Variants in P4HB observed in about 807,000 individuals in gnomAD.
The protein encoded by P4HB is protein disulfide-isomerase.
P4HB carries 20 observed loss-of-function variants against 52.6 expected under a neutral mutation model. The ratio of observed to expected loss-of-function variants is 0.38; its 90% CI spans 0.27 to 0.55. The LOEUF is 0.55. P4HB is among the 20% of genes least tolerant of loss of function. The pLI is 0.74. For missense variants in P4HB, 601 were observed against 669.2 expected (o/e 0.90, Z 1.12); for synonymous variants, 296 against 277.9 (o/e 1.07, Z -0.65).
At chr17:81,850,936 C>T (rs1454826185) in intron 4 of P4HB, among the ~76,000 whole-genome samples, 1 of 151,552 alleles carries the variant, frequency 6.6e-6, no homozygotes, top group African/African-American at 2.4e-5. Flanking sequence ...TCCCCTTGAA[C>T]CTTTTTTTTT....
chr17:81,849,529 A>G (rs1336343364), intron 4 of P4HB, among the ~76,000 whole-genome samples: 2 of 152,106 alleles, frequency 1.3e-5, no homozygotes, highest in Non-Finnish European at 2.9e-5. Context: ...AGAGAGAAAA[A>G]AACGATTTTT....
chr17:81,857,712 G>A (rs1378533550), intron 2 of P4HB, among the ~76,000 whole-genome samples: 1 of 152,156 alleles, frequency 6.6e-6, no homozygotes, highest in African/African-American at 2.4e-5. Context: ...ACACTTTTAT[G>A]CCACCAAAGG....
In P4HB at chr17:81,843,901, T is replaced by C; in HGVS notation, c.*111A>G. On this transcript the variant is annotated 3_prime_UTR_variant, in exon 11 of 11. Coordinates refer to ENST00000331483, the MANE Select transcript of P4HB (RefSeq NM_000918.4). ...TGTCACTTCAGAGAGGTTCCCTGGGTTTCCGGCGACGCCCTCCTTCAAGCG... is the reference window on the plus strand; with the variant it reads ...TGTCACTTCAGAGAGGTTCCCTGGGCTTCCGGCGACGCCCTCCTTCAAGCG... The C allele has an allele frequency of 3.8e-6, 3 of 796,070 alleles. No homozygotes were observed. The highest frequency in any genetic ancestry group is 1.4e-5 in the South Asian group (1 of 72,578). The allele number at this position is 796,070 out of a possible 1,614,324, so 49.3% of individuals were successfully genotyped here. A position where few individuals can be genotyped will look rare whatever the true frequency, so the allele number is the denominator to read the frequency against.
rs2038751777 is a variant in P4HB, at chr17:81,847,290, A to G, written c.682T>C (p.Phe228Leu). The change falls in exon 5 of 11, where the codon TTT becomes CTT. Residue 228 changes from phenylalanine to leucine, a missense_variant. Coordinates refer to ENST00000331483, the MANE Select transcript of P4HB (RefSeq NM_000918.4). ...AGGGGCAGCTGGTTGTGTTTGATAA[A>G]GTCCAGCAGGTTCTCCTTGGTGACC... ...GEVTKENLLD[F>L]IKHNQLPLVI... 2 of 1,614,154 alleles carry G rather than the reference A, an allele frequency of 1.2e-6. No individual in the cohort carries two copies. The highest frequency in any genetic ancestry group is 2.2e-5 in the South Asian group (2 of 91,084).
intron 4 of P4HB, 115 bp from the exon 5 acceptor site, chr17:81,847,462 G>C: frequency 1.2e-6 from 1 of 826,510 alleles, no homozygotes; most frequent in Middle Eastern, 2.6e-4. Context: ...CCTCCCGTGG[G>C]GTTTCGAGCC....
chr17:81,859,500 A>G, intron 1 of P4HB, 113 bp from the exon 2 acceptor site: 1 of 905,406 alleles, frequency 1.1e-6, no homozygotes, highest in Non-Finnish European at 1.7e-6. Flanking sequence ...AACCTTATCT[A>G]CTCACCAAGA....
In P4HB at chr17:81,846,003, G is replaced by A. The variant is rs571302330; in HGVS notation, c.1057-12C>T. 50 of 1,601,082 alleles carry A rather than the reference G, an allele frequency of 3.1e-5. No individual in the cohort carries two copies. Among genetic ancestry groups the A allele is most frequent in the Non-Finnish European group, 3.8e-5 (45 of 1,172,394 alleles). On this transcript the variant is annotated splice_polypyrimidine_tract_variant and intron_variant, in intron 7 of 10. Transcript: ENST00000331483. This position sits in a 1 kb window ranked among gnomAD's most constrained non-coding sequence, Gnocchi z 5.7. The stretch of plus-strand genomic sequence containing the variant: ...CTCATCAGGTGGGGCTGGAGGGCAG[G>A]CAGGGCACGGTGAGGGGCGGCGATG...
Position 81,847,041 on chromosome 17 carries a change from T to A in P4HB, c.761A>T (p.Lys254Met). 1 of 1,614,084 alleles carries A rather than the reference T, an allele frequency of 6.2e-7. No individual in the cohort carries two copies. The highest frequency in any genetic ancestry group is 8.5e-7 in the Non-Finnish European group (1 of 1,180,002). The change falls in exon 6 of 11, where the codon AAG (lysine) becomes ATG (methionine). Residue 254 changes from lysine to methionine, a missense_variant. Physicochemically the swap from Lys to Met is moderately conservative, Grantham distance 95. Coordinates refer to ENST00000331483, the MANE Select transcript of P4HB (RefSeq NM_000918.4). ...TAPKIFGGEI[K>M]THILLFLPKS... is the part of the protein sequence containing the mutation. ...GGGCAAGAACAGCAGGATGTGAGTCTTGATTTCACCTCCAAAAATCTTCGG... is the reference window on the plus strand; with the variant it reads ...GGGCAAGAACAGCAGGATGTGAGTCATGATTTCACCTCCAAAAATCTTCGG...
intron 4 of P4HB, among the ~76,000 whole-genome samples, chr17:81,849,353 G>A (rs2038791409): frequency 6.6e-6 from 1 of 151,768 alleles, no homozygotes; most frequent in African/African-American, 2.4e-5. Context: ...AAAATTAGCT[G>A]GGCGTGGTGG....
rs2038740217 is a variant in P4HB at position 81,846,645 on chromosome 17, AG to A, written c.856-17del. The A allele has an allele frequency of 6.2e-7, 1 of 1,610,780 alleles. No individual in the cohort carries two copies. The highest frequency in any genetic ancestry group is 1.3e-5 in the African/African-American group (1 of 74,844). ...TGAACAGGATCTGGGGGAGAAAAGG[AG>A]GTTGCACAGGTGCGGGAGACGGCTG... On this transcript the variant is annotated splice_polypyrimidine_tract_variant and intron_variant, in intron 6 of 10. Coordinates refer to ENST00000331483, the MANE Select transcript of P4HB (RefSeq NM_000918.4). This position sits in a 1 kb window ranked among gnomAD's most constrained non-coding sequence, Gnocchi z 5.7.
chr17:81,860,237 C>G (rs2038977837), intron 1 of P4HB, 90 bp downstream of exon 1: 2 of 1,139,198 alleles, frequency 1.8e-6, no homozygotes, highest in South Asian at 2.8e-5. Flanking sequence ...CCGGGGGTCC[C>G]GACCCCGGGG....
chr17:81,859,233 G>A lies in P4HB; in HGVS notation c.300C>T (p.Pro100=), dbSNP rs767654575. Residue 100 remains proline (P), a synonymous_variant, in exon 2 of 11, where the codon CCC becomes CCT. Coordinates refer to ENST00000331483, the MANE Select transcript of P4HB (RefSeq NM_000918.4). The part of the protein sequence containing the change: ...LAQQYGVRGY[P]TIKFFRNGDT... ...CTCCATTCCTGAAGAACTTGATGGT[G>A]GGATAGCCGCGCACGCCGTACTGCT... 2.5e-6 allele frequency: 4 copies of A among 1,613,878 alleles called. No individual in the cohort carries two copies. The highest frequency in any genetic ancestry group is 3.4e-6 in the Non-Finnish European group (4 of 1,180,000).
Position 81,844,641 on chromosome 17 carries a change from C to T in P4HB, c.1446+503G>A, listed in dbSNP as rs568623490. Among the ~76,000 whole-genome samples the T allele has an allele frequency of 1.8e-4, 27 of 152,286 alleles. No homozygotes were observed. The East Asian group carries it at 5.2e-3, about 29-fold the overall frequency. ...GCCCTGCCAGCCTGGGCTGACCATG[C>T]CCTCATCTCCTTCACCATGGTCAAG... is the stretch of plus-strand genomic sequence containing the variant. On this transcript the variant is annotated intron_variant, in intron 10 of 10. Coordinates refer to ENST00000331483, the MANE Select transcript of P4HB (RefSeq NM_000918.4).
chr17:81,847,630 T>C (rs565324698), intron 4 of P4HB: 2 of 492,320 alleles, frequency 4.1e-6, no homozygotes, highest in East Asian at 7.1e-5. Context: ...GTGTGGCCCA[T>C]CCCCAGGGCC....
chr17:81,846,235 G>T lies in P4HB; in HGVS notation c.1056+194C>A. ...GTTTCCCTGAGGAGCATCTGGGCCA[G>T]CCGTGTGGACAAGAGGGCTCCTACA... On this transcript the variant is annotated intron_variant, in intron 7 of 10. Transcript: ENST00000331483. The surrounding 1 kb of genome is among the most constrained non-coding windows in gnomAD (Gnocchi z 5.7). 1 of 718,100 alleles carries T rather than the reference G, an allele frequency of 1.4e-6. No individual in the cohort carries two copies. The highest frequency in any genetic ancestry group is 2.3e-6 in the Non-Finnish European group (1 of 442,728). The allele number at this position is 718,100 out of a possible 1,614,324, so 44.5% of individuals were successfully genotyped here.
In P4HB at chr17:81,846,248, G is replaced by C. The variant is rs2038733917; in HGVS notation, c.1056+181C>G. 2.8e-6 allele frequency: 2 copies of C among 715,366 alleles called. No homozygotes were observed. The highest frequency in any genetic ancestry group is 4.0e-4 in the Middle Eastern group (1 of 2,494). The allele number at this position is 715,366 out of a possible 1,614,324, so 44.3% of individuals were successfully genotyped here. On this transcript the variant is annotated intron_variant, in intron 7 of 10. Coordinates refer to ENST00000331483, the MANE Select transcript of P4HB (RefSeq NM_000918.4). This position sits in a 1 kb window ranked among gnomAD's most constrained non-coding sequence, Gnocchi z 5.7. Reference sequence around the variant, plus strand: ...GCATCTGGGCCAGCCGTGTGGACAAGAGGGCTCCTACAGGTCCCCAAAGGT... The same window carrying C: ...GCATCTGGGCCAGCCGTGTGGACAACAGGGCTCCTACAGGTCCCCAAAGGT...
chr17:81,845,068 G>A (rs74006119), intron 10 of P4HB, 76 bp downstream of exon 10: 240 of 1,223,592 alleles, frequency 2.0e-4, no homozygotes, highest in African/African-American at 1.8e-3. Context: ...ATCACAAGCC[G>A]AGCCCAAGTG....
chr17:81,852,995 C>T (rs995754389), intron 4 of P4HB, among the ~76,000 whole-genome samples: 1 of 152,254 alleles, frequency 6.6e-6, no homozygotes, highest in African/African-American at 2.4e-5. Context: ...TCCAACACTT[C>T]ACTGGCTTTT....
rs2038900050 is a variant in P4HB, at chr17:81,855,491, C to A, written c.448G>T (p.Val150Leu). The A allele has an allele frequency of 1.2e-6, 2 of 1,613,966 alleles. No individual in the cohort carries two copies. Among genetic ancestry groups the A allele is most frequent in the South Asian group, 1.1e-5 (1 of 91,082 alleles). ...LPDGAAAESL[V>L]ESSEVAVIGF... ...ATGACAGCCACCTCGCTGGACTCCA[C>A]CAAGGACTCTGCAGCTGCGCCGTCA... The change falls in exon 3 of 11, where the codon GTG (valine) becomes TTG (leucine). Residue 150 changes from valine to leucine, a missense_variant. Physicochemically the swap from Val to Leu is conservative, Grantham distance 32. Coordinates refer to ENST00000331483, the MANE Select transcript of P4HB (RefSeq NM_000918.4). This position sits in a 1 kb window ranked among gnomAD's most constrained non-coding sequence, Gnocchi z 4.3.
Sources: allele counts gnomAD v4.1 joint callset (sites outside exome capture counted in the v4.1 genomes callset), GRCh38; gene constraint gnomAD v4.1.1; non-coding constraint Gnocchi (gnomAD v3.1); transcripts MANE v1.5; gene names NCBI Gene and HGNC (gene_info 2026-07-23, HGNC 2026-07-21).